The following DOK6 variants were observed in gnomAD, a reference collection of about 807,000 sequenced individuals.
The protein encoded by DOK6 is downstream of tyrosine kinase 6.
DOK6 carries 22 observed loss-of-function variants against 44.0 expected under a neutral mutation model. That is an observed-to-expected ratio of 0.50 (90% CI 0.36 to 0.71). DOK6 has a LOEUF of 0.71. DOK6 is among the 30% of genes least tolerant of loss of function. The pLI is 0.00. For synonymous variants in DOK6, 166 were observed against 145.5 expected (o/e 1.14, Z -1.01); for missense variants, 340 against 416.4 (o/e 0.82, Z 1.60).
intron 2 of DOK6, among the ~76,000 whole-genome samples, chr18:69,571,779 A>G (rs1983119942): frequency 6.6e-6 from 1 of 152,070 alleles, no homozygotes. Flanking sequence ...CACAATCTAT[A>G]TTGAAGATTT....
chr18:69,718,751 C>A (rs1259271454), intron 5 of DOK6, among the ~76,000 whole-genome samples: 1 of 152,044 alleles, frequency 6.6e-6, no homozygotes, highest in African/African-American at 2.4e-5. Flanking sequence ...ACTGTGAGCA[C>A]CTACTTCATC....
At chr18:69,502,414 A>G (rs1312174743) in intron 1 of DOK6, among the ~76,000 whole-genome samples, 2 of 152,094 alleles carry the variant, frequency 1.3e-5, no homozygotes, top group Non-Finnish European at 2.9e-5. Flanking sequence ...AAGTCGAGAA[A>G]GAAGAAATAA....
intron 1 of DOK6, among the ~76,000 whole-genome samples, chr18:69,459,810 G>A (rs1427985415): frequency 6.6e-6 from 1 of 152,084 alleles, no homozygotes; most frequent in Non-Finnish European, 1.5e-5. Flanking sequence ...AATATGCAGA[G>A]TTTAAAAAAA....
intron 1 of DOK6, among the ~76,000 whole-genome samples, chr18:69,457,538 C>G (rs80281123): frequency 6.6e-6 from 1 of 152,134 alleles, no homozygotes; most frequent in Non-Finnish European, 1.5e-5. Context: ...TTACTCTAGT[C>G]CTATAGTATA....
intron 2 of DOK6, among the ~76,000 whole-genome samples, chr18:69,593,285 T>C (rs1374736128): frequency 1.3e-5 from 2 of 151,978 alleles, no homozygotes; most frequent in African/African-American, 4.8e-5. Flanking sequence ...AGCAAGAGGA[T>C]TGCTTGAACC....
chr18:69,444,275 T>C (rs1050259010), intron 1 of DOK6, among the ~76,000 whole-genome samples: 1 of 152,162 alleles, frequency 6.6e-6, no homozygotes, highest in African/African-American at 2.4e-5. Context: ...ACTTGCAATG[T>C]AGCTAAAGAA....
chr18:69,540,529 G>A (rs1419859486), intron 1 of DOK6, among the ~76,000 whole-genome samples: 2 of 152,058 alleles, frequency 1.3e-5, no homozygotes, highest in Admixed American at 6.5e-5. Context: ...GTGGATCCTT[G>A]TATTAAGTCA....
chr18:69,423,561 T>G (rs1018473565), intron 1 of DOK6, among the ~76,000 whole-genome samples: 6 of 152,204 alleles, frequency 3.9e-5, no homozygotes, highest in Non-Finnish European at 8.8e-5. Context: ...TAATTATCCT[T>G]GATTGCATGT....
intron 7 of DOK6, among the ~76,000 whole-genome samples, chr18:69,780,108 T>G (rs1465697442): frequency 6.6e-6 from 1 of 152,168 alleles, no homozygotes; most frequent in Non-Finnish European, 1.5e-5. Context: ...TAAAATATTC[T>G]AAAATACAAA....
At chr18:69,643,696 TA>T (rs1220088187) in intron 3 of DOK6, 1 of 152,202 alleles carries the variant, frequency 6.6e-6, no homozygotes, top group Non-Finnish European at 1.5e-5. Flanking sequence ...CCTTTAGAAA[TA>T]AAACTGCTAT....
At chr18:69,567,684 G>C (rs539422803) in intron 2 of DOK6, among the ~76,000 whole-genome samples, 1 of 152,150 alleles carries the variant, frequency 6.6e-6, no homozygotes, top group Admixed American at 6.5e-5. Flanking sequence ...GTGATCCTCT[G>C]ACAGTATAAT....
chr18:69,823,938 T>C (rs999226248), intron 7 of DOK6, among the ~76,000 whole-genome samples: 2 of 152,212 alleles, frequency 1.3e-5, no homozygotes, highest in South Asian at 2.1e-4. Context: ...TCAAAAGTTA[T>C]AATCATTAGA....
rs924132325 is a variant in DOK6, at chr18:69,843,983, T to C, written c.*2600T>C. 3 of 152,130 alleles carry C rather than the reference T, an allele frequency of 2.0e-5. No homozygotes were observed. Among genetic ancestry groups the C allele is most frequent in the Admixed American group, 6.6e-5 (1 of 15,266 alleles). 9.4% of individuals were successfully genotyped at this position (152,130 alleles called of 1,614,324 possible). A position where few individuals can be genotyped will look rare whatever the true frequency, so the allele number is the denominator to read the frequency against. On this transcript the variant is annotated 3_prime_UTR_variant, in exon 8 of 8. Transcript: ENST00000382713. ...TGACACGAAGCAGGGTTCATTGTAATAAAAACGGCAAACAGATAAATCTTC... is the reference window on the plus strand; with the variant it reads ...TGACACGAAGCAGGGTTCATTGTAACAAAAACGGCAAACAGATAAATCTTC...
intron 1 of DOK6, among the ~76,000 whole-genome samples, chr18:69,428,565 C>A (rs1978708617): frequency 6.6e-6 from 1 of 152,024 alleles, no homozygotes; most frequent in Non-Finnish European, 1.5e-5. Flanking sequence ...AAGAGGATAA[C>A]TCTAGAGCTT....
At chr18:69,478,080 G>C (rs1476381867) in intron 1 of DOK6, among the ~76,000 whole-genome samples, 6 of 152,104 alleles carry the variant, frequency 3.9e-5, no homozygotes, top group Non-Finnish European at 8.8e-5. Flanking sequence ...AAGTATTAAT[G>C]TTCATTGCAT....
chr18:69,837,179 G>A (rs1349695249), intron 7 of DOK6, among the ~76,000 whole-genome samples: 2 of 152,108 alleles, frequency 1.3e-5, no homozygotes, highest in African/African-American at 4.8e-5. Context: ...CACAGACTAG[G>A]TAATTAATAA....
intron 2 of DOK6, among the ~76,000 whole-genome samples, chr18:69,598,138 T>C (rs1169675314): frequency 1.3e-5 from 2 of 152,088 alleles, no homozygotes; most frequent in Admixed American, 6.6e-5. Context: ...CAGATATAAA[T>C]GCTTGCTAAA....
intron 3 of DOK6, among the ~76,000 whole-genome samples, chr18:69,620,736 G>A (rs969593651): frequency 2.1e-4 from 32 of 152,182 alleles, no homozygotes; most frequent in South Asian, 2.1e-4. Context: ...CATTATTAAC[G>A]TACTTGTAAA....
chr18:69,497,089 T>C (rs1199060988), intron 1 of DOK6, among the ~76,000 whole-genome samples: 1 of 152,102 alleles, frequency 6.6e-6, no homozygotes, highest in Non-Finnish European at 1.5e-5. Flanking sequence ...ATTAAACAGG[T>C]TTGAGTTAGT....
Sources: allele counts gnomAD v4.1 joint callset (sites outside exome capture counted in the v4.1 genomes callset), GRCh38; gene constraint gnomAD v4.1.1; transcripts MANE v1.5; gene names NCBI Gene and HGNC (gene_info 2026-07-23, HGNC 2026-07-21).